Variants in MOK observed in about 807,000 individuals in gnomAD.
MOK encodes the protein MOK protein kinase, also known as MAPK/MAK/MRK overlapping kinase.
Under a neutral mutation model 54.2 loss-of-function variants are expected in MOK, and 59 were observed. That is an observed-to-expected ratio of 1.09 (90% CI 0.88 to 1.35). The LOEUF is 1.35. Ranked by LOEUF, MOK falls within the 40% of genes most tolerant of loss-of-function variation. MOK has a pLI of 0.00. For missense variants in MOK, 517 were observed against 526.2 expected, an observed-to-expected ratio of 0.98 and a Z score of 0.17; for synonymous variants, 210 against 202.7, an observed-to-expected ratio of 1.04 and a Z score of -0.31.
intron 1 of MOK, among the ~76,000 whole-genome samples, chr14:102,297,483 AG>A (rs1416349191): frequency 2.0e-5 from 3 of 152,254 alleles, no homozygotes; most frequent in Non-Finnish European, 4.4e-5. Context: ...TACTAGTGAG[AG>A]GTGATAGCGT....
At position 102,240,957 on chromosome 14, in the gene MOK, TAA is replaced by T. The variant is rs2065666141; in HGVS notation, c.591-7170_591-7169del. Among the ~76,000 whole-genome samples the T allele has an allele frequency of 6.6e-6, 1 of 152,206 alleles. No individual in the cohort carries two copies. On this transcript the variant is annotated intron_variant, in intron 7 of 11. Transcript: ENST00000361847. This position sits in a 1 kb window ranked among gnomAD's most constrained non-coding sequence, Gnocchi z 5.4. ...TTCAACTCTTGCCTGACCTAAAACC[TAA>T]GTGTCTTCGCCAACACCACTTGGCC...
chr14:102,254,717 G>A (rs931974233), intron 4 of MOK, among the ~76,000 whole-genome samples: 3 of 152,080 alleles, frequency 2.0e-5, no homozygotes, highest in South Asian at 2.1e-4. Flanking sequence ...CCCCACAGTC[G>A]CCTAACTAGA....
chr14:102,298,296 C>T (rs532507158), intron 1 of MOK, among the ~76,000 whole-genome samples: 2 of 151,256 alleles, frequency 1.3e-5, no homozygotes, highest in Admixed American at 1.3e-4. Context: ...CTTGCAGAAC[C>T]TTTATGTCTA....
intron 10 of MOK, chr14:102,229,955 G>A: frequency 2.6e-6 from 1 of 389,052 alleles, no homozygotes. Flanking sequence ...TCCTGCTCTA[G>A]CTCCAAGGTC....
intron 2 of MOK, among the ~76,000 whole-genome samples, chr14:102,281,656 G>A (rs2153167979): frequency 6.6e-6 from 1 of 151,844 alleles, no homozygotes; most frequent in Non-Finnish European, 1.5e-5. Flanking sequence ...TGTTGCCCAG[G>A]CTGATCTTGA....
downstream of MOK, chr14:102,223,501 C>T (rs748158441): frequency 2.6e-5 from 4 of 152,450 alleles, no homozygotes; most frequent in African/African-American, 4.8e-5. Flanking sequence ...TACCCGTTGA[C>T]GTTTATTTTA....
In MOK at chr14:102,251,985, G is replaced by GT; in HGVS notation, c.293dup (p.Tyr98Ter). 2 of 1,583,394 alleles carry GT rather than the reference G, an allele frequency of 1.3e-6. No homozygotes were observed. The highest frequency in any genetic ancestry group is 1.7e-6 in the Non-Finnish European group (2 of 1,153,434). The change falls in exon 5 of 12, where the codon TAC (tyrosine) becomes TAAC (stop). Residue 98 changes from tyrosine (Y) to a stop codon, truncating the protein, a stop_gained and frameshift_variant. Transcript: ENST00000361847. LOFTEE classifies it high-confidence loss of function. The part of the protein sequence containing the change: ...NIYELIRGRR[Y>*]PLSEKKIMHY... Reference sequence around the variant, plus strand: ...GCATAATTTTTTTTTCTGATAATGGGTATCTTCTCCCTGTACAATCAAGGA... The same window carrying GT: ...GCATAATTTTTTTTTCTGATAATGGGTTATCTTCTCCCTGTACAATCAAGGA...
intron 2 of MOK, among the ~76,000 whole-genome samples, chr14:102,280,384 A>AT (rs1289630434): frequency 4.0e-5 from 6 of 151,726 alleles, no homozygotes; most frequent in African/African-American, 1.5e-4. Context: ...GATTTTTAAA[A>AT]TTTTTTCATG....
intron 4 of MOK, among the ~76,000 whole-genome samples, chr14:102,256,737 AAAAG>A (rs2066993371): frequency 6.6e-6 from 1 of 152,170 alleles, no homozygotes; most frequent in African/African-American, 2.4e-5. Flanking sequence ...AAAAAAAAAA[AAAAG>A]AGCAGAATCA....
downstream of MOK, chr14:102,225,761 G>GT (rs527919736): frequency 3.2e-5 from 5 of 158,396 alleles, no homozygotes; most frequent in African/African-American, 1.2e-4. Flanking sequence ...TAACTGCCTC[G>GT]TAACTGTTCC....
In MOK at chr14:102,236,857, T is replaced by A. The variant is rs537715046; in HGVS notation, c.591-3068A>T. ...TTCTTAGGCCAACACGTTCTTCATA[T>A]AACACCACCATCCTCCTGGTTAAAA... On this transcript the variant is annotated intron_variant, in intron 7 of 11. Coordinates refer to ENST00000361847, the MANE Select transcript of MOK (RefSeq NM_014226.3). The surrounding 1 kb of genome is among the most constrained non-coding windows in gnomAD (Gnocchi z 4.5). Among the ~76,000 whole-genome samples the A allele has an allele frequency of 6.6e-6, 1 of 152,144 alleles. No individual in the cohort carries two copies. Among genetic ancestry groups the A allele is most frequent in the Non-Finnish European group, 1.5e-5 (1 of 68,018 alleles).
chr14:102,223,164 C>T (rs1176727521), downstream of MOK: 1 of 235,996 alleles, frequency 4.2e-6, no homozygotes, highest in African/African-American at 2.3e-5. Context: ...AATTAAATTT[C>T]ATATATATAT....
chr14:102,274,529 T>G (rs893914510), intron 2 of MOK, among the ~76,000 whole-genome samples: 1 of 150,788 alleles, frequency 6.6e-6, no homozygotes, highest in Non-Finnish European at 1.5e-5. Flanking sequence ...AGTGCTGGGA[T>G]TACAGGCGTG....
downstream of MOK, among the ~76,000 whole-genome samples, chr14:102,222,285 C>T (rs890689784): frequency 1.3e-5 from 2 of 152,338 alleles, no homozygotes; most frequent in African/African-American, 4.8e-5. This position sits in a 1 kb window ranked among gnomAD's most constrained non-coding sequence, Gnocchi z 4.4. Flanking sequence ...ACCTGTGGGG[C>T]CTACACATGT....
At chr14:102,225,090 CT>C (rs1178941900), downstream of MOK, 1 of 289,668 alleles carries the variant, frequency 3.5e-6, no homozygotes, top group Non-Finnish European at 6.7e-6. Flanking sequence ...AAGACAGAGT[CT>C]TACCTGTCAT....
rs2064724151 is a variant in MOK at position 102,231,676 on chromosome 14, G to C, written c.981+31C>G. 1 of 1,593,356 alleles carries C rather than the reference G, an allele frequency of 6.3e-7. No individual in the cohort carries two copies. The highest frequency in any genetic ancestry group is 1.7e-5 in the Admixed American group (1 of 59,776). On this transcript the variant is annotated intron_variant, in intron 10 of 11. Coordinates refer to ENST00000361847, the MANE Select transcript of MOK (RefSeq NM_014226.3). The surrounding 1 kb of genome is among the most constrained non-coding windows in gnomAD (Gnocchi z 4.4). Reference sequence around the variant, plus strand: ...AGGGCATCCAGTCCCGGCTGAGCTAGGCAGTCTCCGGCTCCGATTTCGCTT... The same window carrying C: ...AGGGCATCCAGTCCCGGCTGAGCTACGCAGTCTCCGGCTCCGATTTCGCTT...
At chr14:102,281,509 A>G (rs1247878784) in intron 2 of MOK, among the ~76,000 whole-genome samples, 1 of 151,066 alleles carries the variant, frequency 6.6e-6, no homozygotes, top group Non-Finnish European at 1.5e-5. Context: ...AAAAAAAAAA[A>G]AAAAAAAGAA....
In MOK at chr14:102,231,850, G is replaced by A. The variant is rs762392622; in HGVS notation, c.867-29C>T. Reference sequence around the variant, plus strand: ...CGGGGAAGGAGAAGAGAATGGAGCAGCTCCACTGAGAGCCCGCAGAGCACA... The same window carrying A: ...CGGGGAAGGAGAAGAGAATGGAGCAACTCCACTGAGAGCCCGCAGAGCACA... On this transcript the variant is annotated intron_variant, in intron 9 of 11. Coordinates refer to ENST00000361847, the MANE Select transcript of MOK (RefSeq NM_014226.3). This position sits in a 1 kb window ranked among gnomAD's most constrained non-coding sequence, Gnocchi z 4.4. The A allele has an allele frequency of 6.3e-7, 1 of 1,585,438 alleles. No homozygotes were observed. The highest frequency in any genetic ancestry group is 8.6e-7 in the Non-Finnish European group (1 of 1,156,262).
At chr14:102,290,298 G>C (rs950045444) in intron 1 of MOK, among the ~76,000 whole-genome samples, 1 of 151,954 alleles carries the variant, frequency 6.6e-6, no homozygotes, top group African/African-American at 2.4e-5. Flanking sequence ...AATTAGCCGG[G>C]TGTGGTGGTG....
Sources: allele counts gnomAD v4.1 joint callset (sites outside exome capture counted in the v4.1 genomes callset), GRCh38; gene constraint gnomAD v4.1.1; non-coding constraint Gnocchi (gnomAD v3.1); transcripts MANE v1.5; gene names NCBI Gene and HGNC (gene_info 2026-07-23, HGNC 2026-07-21).